AP1S2: variants seen among roughly 807,000 people sequenced by gnomAD.
AP1S2 encodes AP-1 complex subunit sigma-2.
A neutral mutation model predicts 14.3 loss-of-function variants in AP1S2; 1 was observed. The ratio of observed to expected loss-of-function variants is 0.07; its 90% confidence interval spans 0.02 to 0.33. AP1S2 has a LOEUF of 0.33. Ranked by LOEUF, AP1S2 falls within the 10% of genes least tolerant of loss-of-function variation. AP1S2 has a pLI of 0.99. For synonymous variants in AP1S2, 30 were observed against 40.5 expected (o/e 0.74, Z 0.99); for missense variants, 30 against 117.7 (o/e 0.25, Z 3.45).
Position 15,827,237 on chromosome X carries a change from C to A in AP1S2, c.*88G>T. On this transcript the variant is annotated 3_prime_UTR_variant, in exon 6 of 6. Transcript: ENST00000672987. ...AACAGTAATACTGACAAGACATCAT[C>A]TTACACCATGAGCTAACATGGACAT... The A allele has an allele frequency of 1.1e-6, 1 of 897,157 alleles. No homozygotes were observed. Among genetic ancestry groups the A allele is most frequent in the Non-Finnish European group, 1.6e-6 (1 of 608,901 alleles). 73.9% of individuals were successfully genotyped at this position (897,157 alleles called of 1,213,427 possible). A position where few individuals can be genotyped will look rare whatever the true frequency, so the allele number is the denominator to read the frequency against.
intron 4 of AP1S2, among the ~76,000 whole-genome samples, chrX:15,843,318 G>C (rs1396612418): frequency 8.9e-6 from 1 of 111,900 alleles, no homozygotes; most frequent in Non-Finnish European, 1.9e-5. Context: ...CACTTTGGGA[G>C]GCCAAGGGGG....
At chrX:15,841,941 G>A (rs1282807734) in intron 4 of AP1S2, among the ~76,000 whole-genome samples, 1 of 111,888 alleles carries the variant, frequency 8.9e-6, no homozygotes, top group Admixed American at 9.5e-5. Context: ...TAGAATCCTG[G>A]TTTTGCCAGT....
chrX:15,832,861 A>T, intron 4 of AP1S2: 1 of 992,353 alleles, frequency 1.0e-6, no homozygotes, highest in East Asian at 3.9e-5. Context: ...ATGCTAAAAT[A>T]TAAATAACAA....
At chrX:15,854,596 T>G in intron 1 of AP1S2, 92 bp downstream of exon 1, 1 of 373,658 alleles carries the variant, frequency 2.7e-6, no homozygotes, top group Non-Finnish European at 3.4e-6. Context: ...GGTGGGGTCG[T>G]CGGGGCGCGC....
chrX:15,850,548 G>A lies in AP1S2; in HGVS notation c.179+1798C>T, dbSNP rs1459708555. 4.7e-5 allele frequency among the ~76,000 whole-genome samples: 5 copies of A among 106,919 alleles called. No homozygotes were observed. The Admixed American group carries it at 5.0e-4, about 11-fold the overall frequency. The allele number at this position is 106,919 out of a possible 115,157, so 92.8% of individuals were successfully genotyped here. ...TTTTTTTTTTTTTAATTGTAGAGACGGCGGGGTCTCACTAAGTTGCCAGGG... is the reference window on the plus strand; with the variant it reads ...TTTTTTTTTTTTTAATTGTAGAGACAGCGGGGTCTCACTAAGTTGCCAGGG... On this transcript the variant is annotated intron_variant, in intron 2 of 5. Coordinates refer to ENST00000672987, the MANE Select transcript of AP1S2 (RefSeq NM_001272071.2).
chrX:15,844,330 G>GACGAAAAAAAGACAAGAACAA (rs1933932574), intron 4 of AP1S2, among the ~76,000 whole-genome samples: 1 of 110,673 alleles, frequency 9.0e-6, no homozygotes, highest in South Asian at 3.8e-4. Flanking sequence ...CACCTTTGGT[G>GACGAAAAAAAGACAAGAACAA]ACTAAAAAAA....
intron 4 of AP1S2, chrX:15,831,828 A>G: frequency 4.3e-6 from 3 of 704,576 alleles, no homozygotes; most frequent in Non-Finnish European, 5.0e-6. Context: ...CTAAAACACT[A>G]TATTTACTAC....
In AP1S2 at chrX:15,845,710, T is replaced by A. The variant is rs142340628; in HGVS notation, c.288+193A>T. Among the ~76,000 whole-genome samples, 910 of 111,045 alleles carry A rather than the reference T, an allele frequency of 8.2e-3. 11 individuals carry two copies. Among genetic ancestry groups the A allele is most frequent in the African/African-American group, 0.028 (845 of 30,608 alleles). On this transcript the variant is annotated intron_variant, in intron 3 of 5. Transcript: ENST00000672987. Reference sequence around the variant, plus strand: ...CAAATCTCAAGTACTTGAAAACATATTCCTACAAGCTAAATAAGACTGGGC... The same window carrying A: ...CAAATCTCAAGTACTTGAAAACATAATCCTACAAGCTAAATAAGACTGGGC...
At chrX:15,853,145 T>C (rs1463382463) in intron 1 of AP1S2, among the ~76,000 whole-genome samples, 1 of 112,530 alleles carries the variant, frequency 8.9e-6, no homozygotes, top group Non-Finnish European at 1.9e-5. Context: ...GCATTCCAAC[T>C]TAAATATGTA....
At chrX:15,852,647 C>G in intron 1 of AP1S2, 123 bp from the exon 2 acceptor site, 1 of 710,305 alleles carries the variant, frequency 1.4e-6, no homozygotes, top group Admixed American at 3.2e-5. Context: ...TAGTAGCCAT[C>G]AATATTTCTA....
At chrX:15,828,291 G>A in intron 4 of AP1S2, 91 bp from the exon 5 acceptor site, 1 of 694,115 alleles carries the variant, frequency 1.4e-6, no homozygotes, top group Non-Finnish European at 2.0e-6. Flanking sequence ...GCACTTCATG[G>A]TGTAATCTTA....
chrX:15,854,671 C>G lies in AP1S2; in HGVS notation c.-1+17G>C. 1 of 669,719 alleles carries G rather than the reference C, an allele frequency of 1.5e-6. No individual in the cohort carries two copies. The allele number at this position is 669,719 out of a possible 1,213,427, so 55.2% of individuals were successfully genotyped here. ...CTCCCCCATCCCCGGCGCCCCCTTT[C>G]GCCCCCAGGGACTTACGGCGGCCGC... On this transcript the variant is annotated intron_variant, in intron 1 of 5. Transcript: ENST00000672987.
intron 4 of AP1S2, among the ~76,000 whole-genome samples, chrX:15,835,884 G>A (rs1341332480): frequency 2.7e-5 from 3 of 110,369 alleles, no homozygotes; most frequent in African/African-American, 9.9e-5. Flanking sequence ...GAAGTAACAC[G>A]AGTTAGCTAA....
chrX:15,848,760 C>G (rs1934074553), intron 2 of AP1S2, among the ~76,000 whole-genome samples: 1 of 111,879 alleles, frequency 8.9e-6, no homozygotes, highest in Admixed American at 9.5e-5. Context: ...ATTACTGGCA[C>G]TCAGAGAACA....
chrX:15,854,368 G>A (rs1934270336), intron 1 of AP1S2, among the ~76,000 whole-genome samples: 1 of 112,374 alleles, frequency 8.9e-6, no homozygotes, highest in South Asian at 3.6e-4. Flanking sequence ...CGCGCAGGGG[G>A]CGCCAAGAGT....
chrX:15,827,613 C>T (rs1409941667), intron 5 of AP1S2, among the ~76,000 whole-genome samples: 1 of 111,709 alleles, frequency 9.0e-6, no homozygotes. Flanking sequence ...GTGCTAGATG[C>T]CGTTGCTGTC....
Position 15,852,937 on chromosome X carries a change from A to T in AP1S2, c.1-413T>A, listed in dbSNP as rs770076294. 5 of 649,394 alleles carry T rather than the reference A, an allele frequency of 7.7e-6. No individual in the cohort carries two copies. In the African/African-American group the frequency reaches 9.6e-5, roughly 13 times the overall value. The allele number at this position is 649,394 out of a possible 1,213,427, so 53.5% of individuals were successfully genotyped here. The stretch of plus-strand genomic sequence containing the variant: ...TGGGTACTTTTGAAAGAAACAGAAG[A>T]CCTGCTATTTTTCATCCTGAGGCCG... On this transcript the variant is annotated intron_variant, in intron 1 of 5. Transcript: ENST00000672987.
rs759089622 is a variant in AP1S2 at position 15,839,032 on chromosome X, G to A, written c.426+6347C>T. ...CAAAGTGCTGGGATTACAGGCGTGA[G>A]CCACCATGCCTGGCCAAATTGTTTC... On this transcript the variant is annotated intron_variant, in intron 4 of 5. Transcript: ENST00000672987. Among the ~76,000 whole-genome samples the A allele has an allele frequency of 1.2e-4, 13 of 112,129 alleles. No homozygotes were observed. The South Asian group carries it at 4.1e-3, about 35-fold the overall frequency.
chrX:15,854,283 T>C (rs972501719), intron 1 of AP1S2, among the ~76,000 whole-genome samples: 3 of 110,927 alleles, frequency 2.7e-5, no homozygotes, highest in African/African-American at 9.9e-5. Context: ...CCCACTCCCG[T>C]GGCCACACTC....
Sources: gnomAD v4.1 joint callset for allele counts (sites outside exome capture counted in the v4.1 genomes callset) on GRCh38, gnomAD v4.1.1 for gene constraint, MANE v1.5 for transcripts, NCBI Gene and HGNC (gene_info 2026-07-23, HGNC 2026-07-21) for gene names.